Variants in CCSER1 observed in about 807,000 individuals in gnomAD.
CCSER1 encodes the protein coiled-coil serine rich protein 1.
In CCSER1, 41 loss-of-function variants were observed where a neutral mutation model predicts 82.0. The observed-to-expected ratio is 0.50, with a 90% CI of 0.39 to 0.65. CCSER1 has a LOEUF of 0.65. Among genes scored for constraint, CCSER1 ranks in the 30% least tolerant of loss-of-function variants. The pLI, the probability that CCSER1 is intolerant of heterozygous loss-of-function variation, is 0.00. For synonymous variants in CCSER1, 414 were observed against 383.9 expected (o/e 1.08, Z -0.92); for missense variants, 1,119 against 1,064.2 (o/e 1.05, Z -0.72).
At chr4:90,767,971 A>T (rs1751501477) in intron 7 of CCSER1, among the ~76,000 whole-genome samples, 1 of 152,194 alleles carries the variant, frequency 6.6e-6, no homozygotes, top group Admixed American at 6.5e-5. Context: ...AAGTTCTAAT[A>T]GGTGTCTGTG....
chr4:90,729,704 T>A (rs1744349607), intron 7 of CCSER1, among the ~76,000 whole-genome samples: 1 of 151,908 alleles, frequency 6.6e-6, no homozygotes. Flanking sequence ...TGAAATCCCG[T>A]CTCTACTAAA....
chr4:91,495,560 A>AAG (rs1758755593), intron 10 of CCSER1, among the ~76,000 whole-genome samples: 1 of 151,562 alleles, frequency 6.6e-6, no homozygotes, highest in Non-Finnish European at 1.5e-5. Flanking sequence ...AAATAGCTGA[A>AAG]AGAATGGTAT....
chr4:90,168,532 A>G (rs1260345727), intron 1 of CCSER1, among the ~76,000 whole-genome samples: 4 of 152,098 alleles, frequency 2.6e-5, no homozygotes, highest in Non-Finnish European at 5.9e-5. Context: ...TTGGTGTTTT[A>G]GACATGAAGT....
intron 1 of CCSER1, among the ~76,000 whole-genome samples, chr4:90,224,271 T>G (rs1385698759): frequency 6.6e-6 from 1 of 152,216 alleles, no homozygotes; most frequent in African/African-American, 2.4e-5. Context: ...AGTTTGCATT[T>G]TATTCACTTT....
At chr4:91,333,239 A>G (rs974556270) in intron 10 of CCSER1, among the ~76,000 whole-genome samples, 1 of 152,046 alleles carries the variant, frequency 6.6e-6, no homozygotes, top group Non-Finnish European at 1.5e-5. Flanking sequence ...CACCATCTTA[A>G]TCATCTACCA....
chr4:90,605,147 A>T (rs1197338257), intron 5 of CCSER1, among the ~76,000 whole-genome samples: 1 of 152,006 alleles, frequency 6.6e-6, no homozygotes, highest in African/African-American at 2.4e-5. Flanking sequence ...TAGACCACGA[A>T]CCCCCCAGAA....
rs1322442578 is a variant in CCSER1 at position 91,158,632 on chromosome 4, G to T, written c.2217+72638G>T. On this transcript the variant is annotated intron_variant, in intron 10 of 10. Coordinates refer to ENST00000509176, the MANE Select transcript of CCSER1 (RefSeq NM_001145065.2). ...TCTCCCTCTCTTTCTGTGTGTGTGT[G>T]TGTGTGTGTGTGTGTCTCACTGGGA... Among the ~76,000 whole-genome samples the T allele has an allele frequency of 2.1e-4, 32 of 151,804 alleles. 1 individual carries two copies. The highest frequency in any genetic ancestry group is 2.9e-5 in the Non-Finnish European group (2 of 67,870).
chr4:91,044,106 T>A (rs1275671618), intron 9 of CCSER1, among the ~76,000 whole-genome samples: 1 of 151,956 alleles, frequency 6.6e-6, no homozygotes, highest in African/African-American at 2.4e-5. Flanking sequence ...AAGGAAAAAG[T>A]GTGTGGGGTC....
At chr4:91,267,685 A>G (rs1371371786) in intron 10 of CCSER1, among the ~76,000 whole-genome samples, 2 of 152,192 alleles carry the variant, frequency 1.3e-5, no homozygotes, top group East Asian at 3.9e-4. Context: ...GGTTTACTAC[A>G]CTTCAAAGGG....
chr4:90,984,252 A>C (rs1212491140), intron 9 of CCSER1, among the ~76,000 whole-genome samples: 2 of 151,800 alleles, frequency 1.3e-5, no homozygotes, highest in Non-Finnish European at 2.9e-5. Flanking sequence ...CTGTGTTAAC[A>C]ACTTATATAA....
chr4:91,109,811 T>C (rs1725940568), intron 10 of CCSER1, among the ~76,000 whole-genome samples: 1 of 152,118 alleles, frequency 6.6e-6, no homozygotes. Context: ...ACTGCTAAGA[T>C]TTAGGCATTA....
chr4:91,171,657 C>A (rs952636911), intron 10 of CCSER1, among the ~76,000 whole-genome samples: 8 of 152,022 alleles, frequency 5.3e-5, no homozygotes, highest in African/African-American at 7.2e-5. Flanking sequence ...ATTTTTCATT[C>A]CTAGGAATAT....
At chr4:90,901,201 C>A (rs973827067) in intron 8 of CCSER1, among the ~76,000 whole-genome samples, 5 of 151,856 alleles carry the variant, frequency 3.3e-5, no homozygotes, top group Admixed American at 6.6e-5. Context: ...AGATATGTCT[C>A]TTGAACGCAG....
intron 9 of CCSER1, among the ~76,000 whole-genome samples, chr4:90,965,620 A>G (rs1373344929): frequency 6.6e-6 from 1 of 152,182 alleles, no homozygotes; most frequent in East Asian, 1.9e-4. Context: ...TGACAAGAAT[A>G]AAGACTTTTC....
At chr4:90,757,809 T>C (rs956010546) in intron 7 of CCSER1, among the ~76,000 whole-genome samples, 1 of 152,134 alleles carries the variant, frequency 6.6e-6, no homozygotes, top group African/African-American at 2.4e-5. Flanking sequence ...TTTTTTCTTT[T>C]AAATCTCAAT....
chr4:91,226,164 T>C (rs1355170190), intron 10 of CCSER1, among the ~76,000 whole-genome samples: 1 of 151,774 alleles, frequency 6.6e-6, no homozygotes, highest in Non-Finnish European at 1.5e-5. Context: ...CTAAAATTAA[T>C]GACTCAGAGA....
chr4:91,505,132 T>C (rs6820692), intron 10 of CCSER1, among the ~76,000 whole-genome samples: 106,153 of 151,918 alleles, frequency 0.7, 37,255 homozygotes, highest in Middle Eastern at 0.73. Context: ...TGGTGTTCCC[T>C]TCCCTGTGTC....
intron 10 of CCSER1, among the ~76,000 whole-genome samples, chr4:91,247,416 G>A (rs1026766310): frequency 6.6e-6 from 1 of 152,148 alleles, no homozygotes; most frequent in Non-Finnish European, 1.5e-5. Flanking sequence ...GGTATTTACA[G>A]ATTAGAGTTA....
intron 4 of CCSER1, among the ~76,000 whole-genome samples, chr4:90,432,408 A>T (rs889298607): frequency 3.3e-5 from 5 of 152,140 alleles, no homozygotes; most frequent in Non-Finnish European, 7.4e-5. Context: ...TCTGACACTA[A>T]CTTTGTGAAC....
Sources: allele counts gnomAD v4.1 joint callset (sites outside exome capture counted in the v4.1 genomes callset), GRCh38; gene constraint gnomAD v4.1.1; transcripts MANE v1.5; gene names NCBI Gene and HGNC (gene_info 2026-07-23, HGNC 2026-07-21).